SATL1: variants seen among roughly 807,000 people sequenced by gnomAD.
SATL1 encodes spermidine/spermine N1-acetyl transferase like 1, also known as spermidine/spermine N(1)-acetyltransferase-like protein 1.
In SATL1, 47 loss-of-function variants were observed where a neutral mutation model predicts 51.8. That is an observed-to-expected ratio of 0.91 (90% CI 0.72 to 1.16). The LOEUF (loss-of-function observed/expected upper bound fraction) is 1.16. Ranked by LOEUF, SATL1 falls within the 50% of genes most tolerant of loss-of-function variation. The pLI, the probability that SATL1 is intolerant of heterozygous loss-of-function variation, is 0.00. For missense variants in SATL1, 520 were observed against 526.4 expected (o/e 0.99, Z 0.12); for synonymous variants, 176 against 182.4 (o/e 0.97, Z 0.28).
rs1364087375 is a variant in SATL1 at position 85,214,364 on chromosome X, A to G, written c.-313+9841T>C. ...TCTCATGAGAAGTAATAGAGGAAGA[A>G]GTCACTTACTACTGAGAGAGTGGCT... On this transcript the variant is annotated intron_variant, in intron 2 of 7. Transcript: ENST00000644105. Among the ~76,000 whole-genome samples the G allele has an allele frequency of 4.5e-5, 5 of 111,173 alleles. No homozygotes were observed. In the Admixed American group the frequency reaches 4.8e-4, roughly 11 times the overall value.
intron 2 of SATL1, among the ~76,000 whole-genome samples, chrX:85,190,012 T>A (rs932939121): frequency 1.9e-4 from 21 of 112,048 alleles, no homozygotes; most frequent in African/African-American, 6.8e-4. Flanking sequence ...ACTTTCTCAG[T>A]CTGTACAGTT....
intron 2 of SATL1, chrX:85,210,152 T>C (rs952470939): frequency 9.3e-5 from 10 of 107,556 alleles, no homozygotes; most frequent in Admixed American, 3.0e-4. Context: ...AGCTGCTGGT[T>C]TTTTTTTTCT....
intron 1 of SATL1, among the ~76,000 whole-genome samples, chrX:85,242,403 G>T (rs1165451920): frequency 1.8e-5 from 2 of 112,570 alleles, no homozygotes; most frequent in African/African-American, 6.5e-5. Flanking sequence ...TGGCCCACAA[G>T]CCAAATCTGG....
chrX:85,178,366 A>G (rs965572540), intron 2 of SATL1, among the ~76,000 whole-genome samples: 6 of 111,096 alleles, frequency 5.4e-5, no homozygotes, highest in African/African-American at 1.3e-4. Flanking sequence ...CCATGCTGAC[A>G]TAAATTTTAA....
At chrX:85,138,045 A>T (rs1602860360) in intron 2 of SATL1, among the ~76,000 whole-genome samples, 1 of 111,564 alleles carries the variant, frequency 9.0e-6, no homozygotes, top group East Asian at 2.8e-4. Context: ...TTACCTATCT[A>T]TTCCTGTATA....
At chrX:85,199,895 C>T (rs186054474) in intron 2 of SATL1, among the ~76,000 whole-genome samples, 49 of 111,078 alleles carry the variant, frequency 4.4e-4, no homozygotes, top group East Asian at 4.0e-3. Context: ...TAGCACAACA[C>T]GGTGACTACA....
chrX:85,186,560 G>A (rs760763707), intron 2 of SATL1, among the ~76,000 whole-genome samples: 30 of 111,476 alleles, frequency 2.7e-4, no homozygotes, highest in Non-Finnish European at 4.7e-4. Flanking sequence ...TCTAGGGCTG[G>A]TCTAAATGCT....
intron 2 of SATL1, among the ~76,000 whole-genome samples, chrX:85,171,740 C>T (rs1743872685): frequency 1.8e-5 from 2 of 111,541 alleles, no homozygotes; most frequent in Admixed American, 1.9e-4. Context: ...GAGGCTATAG[C>T]TAGCATTCTT....
rs147982197 is a variant in SATL1, at chrX:85,236,778, C to T, written c.-435+6810G>A. On this transcript the variant is annotated intron_variant, in intron 1 of 7. Coordinates refer to ENST00000644105, the MANE Select transcript of SATL1 (RefSeq NM_001367857.2). ...AAAGCCTTTCCTTTAAGATATGGAA[C>T]ATGACAAGGATGCCCACTTTCATGA... Among the ~76,000 whole-genome samples, 3 of 111,552 alleles carry T rather than the reference C, an allele frequency of 2.7e-5. No individual in the cohort carries two copies. The East Asian group carries it at 8.5e-4, about 32-fold the overall frequency.
At chrX:85,174,401 C>A (rs1361290389) in intron 2 of SATL1, among the ~76,000 whole-genome samples, 1 of 108,781 alleles carries the variant, frequency 9.2e-6, no homozygotes, top group Non-Finnish European at 1.9e-5. Context: ...CGGCTCACTG[C>A]AACCTCCGCC....
chrX:85,182,552 G>A (rs770341121), intron 2 of SATL1, among the ~76,000 whole-genome samples: 11 of 111,688 alleles, frequency 9.8e-5, no homozygotes, highest in Non-Finnish European at 1.9e-4. Context: ...CAGTAAACAT[G>A]GTGGTGCAGA....
intron 2 of SATL1, among the ~76,000 whole-genome samples, chrX:85,135,462 G>C (rs1392751922): frequency 9.0e-6 from 1 of 110,588 alleles, no homozygotes; most frequent in African/African-American, 3.3e-5. Context: ...ATCAATACTT[G>C]ATTCACTCTC....
intron 2 of SATL1, among the ~76,000 whole-genome samples, chrX:85,189,063 T>C (rs1029772941): frequency 1.6e-4 from 18 of 112,833 alleles, no homozygotes; most frequent in Non-Finnish European, 2.8e-4. Flanking sequence ...GATCAACTGA[T>C]ACTAAATTCT....
rs542096134 is a variant in SATL1, at chrX:85,135,308, G to A, written c.-312-26028C>T. ...CCTATGTAACAAACCTGCACATCCT[G>A]CACATGTACCCCGGAACTTAAAAGT... On this transcript the variant is annotated intron_variant, in intron 2 of 7. Coordinates refer to ENST00000644105, the MANE Select transcript of SATL1 (RefSeq NM_001367857.2). Among the ~76,000 whole-genome samples, 9 of 110,428 alleles carry A rather than the reference G, an allele frequency of 8.2e-5. No homozygotes were observed. In the South Asian group the frequency reaches 3.2e-3, roughly 39 times the overall value.
chrX:85,135,181 AC>A (rs1304767863), intron 2 of SATL1, among the ~76,000 whole-genome samples: 6 of 109,942 alleles, frequency 5.5e-5, no homozygotes, highest in Admixed American at 9.8e-5. Context: ...TCGGTGGGGG[AC>A]GGGGGTAGGG....
intron 1 of SATL1, among the ~76,000 whole-genome samples, chrX:85,231,177 G>A (rs1001951840): frequency 9.0e-6 from 1 of 111,581 alleles, no homozygotes; most frequent in African/African-American, 3.3e-5. Context: ...ACAAATGAAC[G>A]GATAAAGAAA....
intron 2 of SATL1, among the ~76,000 whole-genome samples, chrX:85,148,517 A>G (rs1301527397): frequency 9.0e-6 from 1 of 110,719 alleles, no homozygotes; most frequent in African/African-American, 3.3e-5. Context: ...TAATTGTCAG[A>G]TTCACCAAAG....
chrX:85,133,263 G>C (rs1925861518), intron 2 of SATL1, among the ~76,000 whole-genome samples: 2 of 112,304 alleles, frequency 1.8e-5, no homozygotes, highest in Middle Eastern at 4.2e-3. Context: ...GCCTCCAGAG[G>C]TGGGGTCTAC....
At chrX:85,149,928 T>C (rs766366802) in intron 2 of SATL1, among the ~76,000 whole-genome samples, 1 of 111,101 alleles carries the variant, frequency 9.0e-6, no homozygotes, top group South Asian at 3.8e-4. Flanking sequence ...AGCGAACACA[T>C]TCAAAAGCTA....
Sources: gnomAD v4.1 joint callset for allele counts (sites outside exome capture counted in the v4.1 genomes callset) on GRCh38, gnomAD v4.1.1 for gene constraint, MANE v1.5 for transcripts, NCBI Gene and HGNC (gene_info 2026-07-23, HGNC 2026-07-21) for gene names.